Variants in ZNF652 observed in about 807,000 individuals in gnomAD.
The protein encoded by ZNF652 is zinc finger protein 652.
In ZNF652, 16 loss-of-function variants were observed where a neutral mutation model predicts 45.2. That is an observed-to-expected ratio of 0.35 (90% CI 0.24 to 0.54). The LOEUF (loss-of-function observed/expected upper bound fraction) is 0.54. ZNF652 is among the 20% of genes least tolerant of loss of function. The pLI is 0.91. For missense variants in ZNF652, 614 were observed against 765.6 expected, an observed-to-expected ratio of 0.80 and a Z score of 2.34; for synonymous variants, 250 against 260.6, an observed-to-expected ratio of 0.96 and a Z score of 0.39.
chr17:49,353,462 A>G (rs2070303271), intron 1 of ZNF652, among the ~76,000 whole-genome samples: 1 of 151,982 alleles, frequency 6.6e-6, no homozygotes, highest in Non-Finnish European at 1.5e-5. Context: ...GAGACACTGT[A>G]CCCAGACAAA....
rs186412004 is a variant in ZNF652 at position 49,318,762 on chromosome 17, T to C, written c.-258-779A>G. 1.7e-4 allele frequency among the ~76,000 whole-genome samples: 26 copies of C among 152,294 alleles called. No individual in the cohort carries two copies. The East Asian group carries it at 4.8e-3, about 28-fold the overall frequency. On this transcript the variant is annotated intron_variant, in intron 1 of 5. Coordinates refer to ENST00000430262, the MANE Select transcript of ZNF652 (RefSeq NM_001145365.3). ...ACATCAATCACCATGTCCATCACAG[T>C]GAGAGCTCGCAGAACAAAGGGGGTA...
At position 49,293,928 on chromosome 17, in the gene ZNF652, A is replaced by C. The variant is rs1053049159; in HGVS notation, c.*4485T>G. ...GCAATAAAAGTTGTCTTTTCTATAC[A>C]GTAGCTCAAACAGAAAGGTTTCTCT... On this transcript the variant is annotated 3_prime_UTR_variant, in exon 6 of 6. Coordinates refer to ENST00000430262, the MANE Select transcript of ZNF652 (RefSeq NM_001145365.3). Among the ~76,000 whole-genome samples, 1 of 152,160 alleles carries C rather than the reference A, an allele frequency of 6.6e-6. No homozygotes were observed. Among genetic ancestry groups the C allele is most frequent in the Non-Finnish European group, 1.5e-5 (1 of 68,000 alleles).
intron 1 of ZNF652, among the ~76,000 whole-genome samples, chr17:49,323,971 G>A (rs1407797825): frequency 2.0e-5 from 3 of 152,116 alleles, no homozygotes; most frequent in African/African-American, 4.8e-5. Flanking sequence ...CTTCACCTTC[G>A]AGTCACCAGC....
chr17:49,315,029 A>T, intron 2 of ZNF652, among the ~76,000 whole-genome samples: 3 of 119,526 alleles, frequency 2.5e-5, no homozygotes, highest in East Asian at 2.6e-4. Flanking sequence ...GCCTTAGGGG[A>T]GGGTTTTAGT....
At chr17:49,360,172 T>A (rs2070377895) in intron 1 of ZNF652, among the ~76,000 whole-genome samples, 1 of 152,204 alleles carries the variant, frequency 6.6e-6, no homozygotes, top group African/African-American at 2.4e-5. Flanking sequence ...CTTATCCTAA[T>A]CAAAGAACAA....
In ZNF652 at chr17:49,312,779, C is replaced by G; in HGVS notation, c.967G>C (p.Gly323Arg). 3 of 1,614,122 alleles carry G rather than the reference C, an allele frequency of 1.9e-6. No individual in the cohort carries two copies. The highest frequency in any genetic ancestry group is 2.5e-6 in the Non-Finnish European group (3 of 1,179,984). ...CAGGAAAATTTCTTTTCTGCATATCCATGGACGATCTTGATATGTTCATGA... is the reference window on the plus strand; with the variant it reads ...CAGGAAAATTTCTTTTCTGCATATCGATGGACGATCTTGATATGTTCATGA... ...SLHEHIKIVH[G>R]YAEKKFSCEI... Residue 323 changes from glycine (G) to arginine (R), a missense_variant, in exon 3 of 6, where the codon GGA (glycine) becomes CGA (arginine). Transcript: ENST00000430262.
At chr17:49,337,316 A>T (rs2070096289) in intron 1 of ZNF652, among the ~76,000 whole-genome samples, 1 of 149,164 alleles carries the variant, frequency 6.7e-6, no homozygotes, top group Non-Finnish European at 1.5e-5. Flanking sequence ...AGCATGGGCA[A>T]CAGACCAATA....
chr17:49,361,509 T>C (rs547989861), intron 1 of ZNF652, among the ~76,000 whole-genome samples: 1 of 151,684 alleles, frequency 6.6e-6, no homozygotes, highest in East Asian at 1.9e-4. Flanking sequence ...GCGGGGGAGG[T>C]AGTGGGTGCA....
rs969174058 is a variant in ZNF652, at chr17:49,289,400, T to C, written c.*9013A>G. The stretch of plus-strand genomic sequence containing the variant: ...AAAGTAGTTTTAACAATCTATAAAT[T>C]TTTTATACTTAAAATCATGATTGAG... On this transcript the variant is annotated 3_prime_UTR_variant, in exon 6 of 6. Coordinates refer to ENST00000430262, the MANE Select transcript of ZNF652 (RefSeq NM_001145365.3). 1.3e-5 allele frequency: 2 copies of C among 152,192 alleles called. No individual in the cohort carries two copies. Among genetic ancestry groups the C allele is most frequent in the Admixed American group, 1.3e-4 (2 of 15,276 alleles). 9.4% of individuals were successfully genotyped at this position (152,192 alleles called of 1,614,324 possible).
At chr17:49,302,015 G>A (rs909139532) in intron 5 of ZNF652, among the ~76,000 whole-genome samples, 1 of 152,078 alleles carries the variant, frequency 6.6e-6, no homozygotes, top group Non-Finnish European at 1.5e-5. Flanking sequence ...ACTTTGGGAG[G>A]CCGAAGCAGG....
In ZNF652 at chr17:49,311,906, T is replaced by TAG. The variant is rs758059377; in HGVS notation, c.1164+20_1164+21insCT. 10 of 1,594,956 alleles carry TAG rather than the reference T, an allele frequency of 6.3e-6. No homozygotes were observed. In the African/African-American group the frequency reaches 1.3e-4, roughly 21 times the overall value. On this transcript the variant is annotated intron_variant, in intron 4 of 5. Coordinates refer to ENST00000430262, the MANE Select transcript of ZNF652 (RefSeq NM_001145365.3). ...AAACACTAGCCCCTAGGCCTGGGCC[T>TAG]GTAGGTAGCACATTCCTTACCTCGC... is the stretch of plus-strand genomic sequence containing the variant.
At chr17:49,356,982 A>G (rs1467864887) in intron 1 of ZNF652, among the ~76,000 whole-genome samples, 1 of 150,572 alleles carries the variant, frequency 6.6e-6, no homozygotes, top group Non-Finnish European at 1.5e-5. Context: ...GTAATCAATC[A>G]CTTGAACTAT....
In ZNF652 at chr17:49,362,241, G is replaced by A. The variant is rs1202121537; in HGVS notation, c.-591C>T. Reference sequence around the variant, plus strand: ...TGTGTGTGCCGGAGGGGGCAGGGAGGGAGGCGAGCGGCGGCGAGGACGCGC... The same window carrying A: ...TGTGTGTGCCGGAGGGGGCAGGGAGAGAGGCGAGCGGCGGCGAGGACGCGC... On this transcript the variant is annotated 5_prime_UTR_variant, in exon 1 of 6. Transcript: ENST00000430262. 6.7e-6 allele frequency: 1 copy of A among 150,262 alleles called. No homozygotes were observed. Among genetic ancestry groups the A allele is most frequent in the East Asian group, 2.0e-4 (1 of 5,122 alleles). 9.3% of individuals were successfully genotyped at this position (150,262 alleles called of 1,614,324 possible). A position where few individuals can be genotyped will look rare whatever the true frequency, so the allele number is the denominator to read the frequency against.
intron 1 of ZNF652, among the ~76,000 whole-genome samples, chr17:49,336,953 T>TG (rs1460052352): frequency 1.2e-4 from 15 of 123,614 alleles, no homozygotes; most frequent in Non-Finnish European, 2.3e-4. Flanking sequence ...TTTTTTTTTT[T>TG]TTTTTTTTTT....
At position 49,295,493 on chromosome 17, in the gene ZNF652, T is replaced by C. The variant is rs562592091; in HGVS notation, c.*2920A>G. The stretch of plus-strand genomic sequence containing the variant: ...ACTGGTTTTCCTGTATAGCAGATAT[T>C]TTCTTATGGCTATATTTACTTGAAT... On this transcript the variant is annotated 3_prime_UTR_variant, in exon 6 of 6. Coordinates refer to ENST00000430262, the MANE Select transcript of ZNF652 (RefSeq NM_001145365.3). 2.0e-5 allele frequency: 3 copies of C among 152,462 alleles called. No homozygotes were observed. The highest frequency in any genetic ancestry group is 2.1e-4 in the South Asian group (1 of 4,826). The allele number at this position is 152,462 out of a possible 1,614,324, so 9.4% of individuals were successfully genotyped here. A position where few individuals can be genotyped will look rare whatever the true frequency, so the allele number is the denominator to read the frequency against.
intron 1 of ZNF652, among the ~76,000 whole-genome samples, chr17:49,360,856 A>G (rs1008725656): frequency 6.6e-6 from 1 of 152,164 alleles, no homozygotes; most frequent in Non-Finnish European, 1.5e-5. Context: ...TGCACACACC[A>G]TATCTAATCA....
intron 1 of ZNF652, among the ~76,000 whole-genome samples, chr17:49,343,657 CTT>C (rs74399807): frequency 7.0e-6 from 1 of 143,322 alleles, no homozygotes; most frequent in Non-Finnish European, 1.5e-5. Context: ...AAAAAAATAA[CTT>C]TTTTTTTTTT....
At chr17:49,313,403 C>T (rs775457443) in intron 2 of ZNF652, among the ~76,000 whole-genome samples, 5 of 152,030 alleles carry the variant, frequency 3.3e-5, no homozygotes, top group East Asian at 1.9e-4. Context: ...GTGATCCACC[C>T]GCCTCAGCCT....
chr17:49,327,724 T>A (rs2069970474), intron 1 of ZNF652, among the ~76,000 whole-genome samples: 1 of 72,772 alleles, frequency 1.4e-5, no homozygotes, highest in African/African-American at 5.2e-5. Flanking sequence ...TACTTTTAAA[T>A]AAATAAATAT....
Sources: gnomAD v4.1 joint callset for allele counts (sites outside exome capture counted in the v4.1 genomes callset) on GRCh38, gnomAD v4.1.1 for gene constraint, MANE v1.5 for transcripts, NCBI Gene and HGNC (gene_info 2026-07-23, HGNC 2026-07-21) for gene names.